Variants in SYNE1 observed in about 807,000 individuals in gnomAD.
The protein encoded by SYNE1 is nesprin-1.
SYNE1 carries 616 observed loss-of-function variants against 1,111.0 expected under a neutral mutation model. The ratio of observed to expected loss-of-function variants is 0.55; its 90% confidence interval spans 0.52 to 0.59. SYNE1 has a LOEUF of 0.59. Ranked by LOEUF, SYNE1 falls within the 20% of genes least tolerant of loss-of-function variation. SYNE1 has a pLI of 0.00. For missense variants in SYNE1, 10,006 were observed against 10,417.0 expected (o/e 0.96, Z 1.72); for synonymous variants, 3,855 against 3,825.8 (o/e 1.01, Z -0.28).
At chr6:152,435,311 A>C (rs1162461427) in intron 33 of SYNE1, 1 of 151,790 alleles carries the variant, frequency 6.6e-6, no homozygotes, top group Non-Finnish European at 1.5e-5. Context: ...CTGTATCCTC[A>C]TATGTTTTTC....
intron 104 of SYNE1, among the ~76,000 whole-genome samples, chr6:152,250,900 G>C (rs1346296950): frequency 6.6e-6 from 1 of 152,184 alleles, no homozygotes; most frequent in Non-Finnish European, 1.5e-5. Context: ...CATAACATGG[G>C]TTAGAAATGA....
chr6:152,389,233 G>A (rs566082654), intron 53 of SYNE1, among the ~76,000 whole-genome samples: 3 of 152,038 alleles, frequency 2.0e-5, no homozygotes, highest in Admixed American at 6.6e-5. Flanking sequence ...TCAAAGGTAC[G>A]TGTGCAGAGT....
In SYNE1 at chr6:152,135,055, G is replaced by T. The variant is rs756119553; in HGVS notation, c.25788+49C>A. On this transcript the variant is annotated intron_variant, in intron 142 of 145. Coordinates refer to ENST00000367255, the MANE Select transcript of SYNE1 (RefSeq NM_182961.4). ...TATATTCATTTTCTGTAAATGAAAT[G>T]CAACCCTGCTAAAAATAACTGGAGG... The T allele has an allele frequency of 4.3e-6, 7 of 1,613,012 alleles. No homozygotes were observed. The Admixed American group carries it at 1.2e-4, about 27-fold the overall frequency.
intron 95 of SYNE1, among the ~76,000 whole-genome samples, chr6:152,289,753 A>G (rs1438849075): frequency 6.6e-6 from 1 of 152,038 alleles, no homozygotes; most frequent in African/African-American, 2.4e-5. Flanking sequence ...CAGCCTCCCA[A>G]GTAGCTGGGA....
At chr6:152,301,210 C>G (rs139906965) in intron 92 of SYNE1, among the ~76,000 whole-genome samples, 23 of 152,196 alleles carry the variant, frequency 1.5e-4, no homozygotes, top group African/African-American at 5.3e-4. Flanking sequence ...GCCAAATGGG[C>G]TCAGGTATGG....
At chr6:152,573,893 C>G (rs1424455780) in intron 3 of SYNE1, among the ~76,000 whole-genome samples, 8 of 152,096 alleles carry the variant, frequency 5.3e-5, no homozygotes, top group Admixed American at 1.3e-4. Context: ...TTGTTAGATA[C>G]AGCATAATAG....
intron 13 of SYNE1, among the ~76,000 whole-genome samples, chr6:152,484,058 A>AAAAAAAAAAT (rs1471895241): frequency 3.3e-5 from 5 of 150,646 alleles, no homozygotes; most frequent in Non-Finnish European, 5.9e-5. Flanking sequence ...AAAAAAAAAA[A>AAAAAAAAAAT]AAAATTAGCC....
At chr6:152,199,846 C>A (rs1322151500) in intron 127 of SYNE1, among the ~76,000 whole-genome samples, 3 of 151,902 alleles carry the variant, frequency 2.0e-5, no homozygotes, top group Non-Finnish European at 1.5e-5. Flanking sequence ...AGTAGCAGGA[C>A]TAGACGAAAA....
chr6:152,510,405 G>A (rs1303707819), intron 7 of SYNE1, 34 bp from the exon 8 acceptor site: 1 of 1,606,254 alleles, frequency 6.2e-7, no homozygotes, highest in Non-Finnish European at 8.5e-7. Context: ...AAAAATATAA[G>A]CATTATCTTT....
Position 152,354,801 on chromosome 6 carries a change from T to C in SYNE1, c.10784A>G (p.Asn3595Ser), listed in dbSNP as rs148212715. ...CATTAGCCTCAATTTGTTCACCACG[T>C]TATTGAACTGAGTTCGAGTCTCGGA... ...RLSETRTQFN[N>S]VVNKLRLMEQ... The change falls in exon 67 of 146, where the codon AAC (asparagine) becomes AGC (serine). Residue 3595 changes from asparagine (N) to serine (S), a missense_variant. Physicochemically the swap from Asn to Ser is conservative, Grantham distance 46 (BLOSUM62 1). Transcript: ENST00000367255. 485 of 1,614,218 alleles carry C rather than the reference T, an allele frequency of 3.0e-4. 1 individual carries two copies. Among genetic ancestry groups the C allele is most frequent in the Non-Finnish European group, 3.9e-4 (466 of 1,180,034 alleles).
At position 152,208,016 on chromosome 6, in the gene SYNE1, G is replaced by A; in HGVS notation, c.22780C>T (p.Pro7594Ser). The change falls in exon 125 of 146, where the codon CCT (proline) becomes TCT (serine). Residue 7594 changes from proline (P) to serine (S), a missense_variant. Pro to Ser is a moderately conservative substitution (Grantham distance 74, BLOSUM62 -1). Around this residue, in one of 7 missense-constraint regions of SYNE1, gnomAD observed 2,182 missense variants for 2,287.8 expected, o/e 0.95. Coordinates refer to ENST00000367255, the MANE Select transcript of SYNE1 (RefSeq NM_182961.4). ...YLPMSGLGSV[P>S]IPLQQARTLF... is the part of the protein sequence containing the mutation. ...GTCCTTGCTTGTTGCAGTGGTATAGGAACACTTCCGAGACCACTCATGGGG... is the reference window on the plus strand; with the variant it reads ...GTCCTTGCTTGTTGCAGTGGTATAGAAACACTTCCGAGACCACTCATGGGG... 1 of 1,614,122 alleles carries A rather than the reference G, an allele frequency of 6.2e-7. No individual in the cohort carries two copies. The highest frequency in any genetic ancestry group is 8.5e-7 in the Non-Finnish European group (1 of 1,180,018).
chr6:152,395,353 G>A (rs2097715804), intron 51 of SYNE1, among the ~76,000 whole-genome samples, 163 bp downstream of exon 51: 1 of 152,176 alleles, frequency 6.6e-6, no homozygotes, highest in African/African-American at 2.4e-5. Context: ...CTGCACTGCT[G>A]CAAAGAGTGC....
At chr6:152,341,724 A>G (rs1194369218) in intron 74 of SYNE1, among the ~76,000 whole-genome samples, 2 of 152,192 alleles carry the variant, frequency 1.3e-5, no homozygotes, top group Non-Finnish European at 2.9e-5. Context: ...ACATGAACAC[A>G]GTAAGTCCTC....
chr6:152,518,486 C>G (rs565740805), intron 6 of SYNE1, among the ~76,000 whole-genome samples: 1 of 152,112 alleles, frequency 6.6e-6, no homozygotes, highest in African/African-American at 2.4e-5. Flanking sequence ...CCCTGCTCCC[C>G]TTCTCCTTCC....
chr6:152,285,235 C>T (rs976844418), intron 95 of SYNE1, among the ~76,000 whole-genome samples: 1 of 152,182 alleles, frequency 6.6e-6, no homozygotes, highest in Non-Finnish European at 1.5e-5. Context: ...TCCAAACCAT[C>T]ACCCAGTCCA....
intron 8 of SYNE1, among the ~76,000 whole-genome samples, chr6:152,506,501 T>C (rs2099058839): frequency 6.6e-6 from 1 of 152,056 alleles, no homozygotes; most frequent in Admixed American, 6.5e-5. Context: ...TGCTGATTAA[T>C]ATAATAAGTT....
intron 128 of SYNE1, among the ~76,000 whole-genome samples, chr6:152,184,811 T>C (rs1215700863): frequency 6.6e-6 from 1 of 152,110 alleles, no homozygotes; most frequent in Admixed American, 6.6e-5. Flanking sequence ...GCCAAACGCT[T>C]TTCAAAAGAT....
At chr6:152,223,523 G>T (rs1046193578) in intron 117 of SYNE1, among the ~76,000 whole-genome samples, 4 of 152,164 alleles carry the variant, frequency 2.6e-5, no homozygotes, top group African/African-American at 9.7e-5. Context: ...GGAGGCTGAG[G>T]CAGAGAATTG....
chr6:152,336,385 C>T (rs1160587518), intron 76 of SYNE1: 3 of 205,622 alleles, frequency 1.5e-5, no homozygotes, highest in Non-Finnish European at 3.0e-5. Context: ...AGCAGCGGTC[C>T]CCAAACTTTT....
Sources: allele counts gnomAD v4.1 joint callset (sites outside exome capture counted in the v4.1 genomes callset), GRCh38; gene constraint gnomAD v4.1.1; regional missense constraint gnomAD v4.1.1; transcripts MANE v1.5; gene names NCBI Gene and HGNC (gene_info 2026-07-23, HGNC 2026-07-21).